Variants in GIGYF2 observed in about 807,000 individuals in gnomAD.
GIGYF2 encodes the protein GRB10 interacting GYF protein 2.
GIGYF2 carries 25 observed loss-of-function variants against 208.1 expected under a neutral mutation model. The ratio of observed to expected loss-of-function variants is 0.12; its 90% CI spans 0.09 to 0.17. The LOEUF is 0.17. Ranked by LOEUF, GIGYF2 falls within the 10% of genes least tolerant of loss-of-function variation. The pLI, the probability that GIGYF2 is intolerant of heterozygous loss-of-function variation, is 1.00. For missense variants in GIGYF2, 1,302 were observed against 1,579.4 expected (o/e 0.82, Z 2.98); for synonymous variants, 534 against 543.8 (o/e 0.98, Z 0.25).
intron 14 of GIGYF2, among the ~76,000 whole-genome samples, chr2:232,800,341 G>A (rs1700358081): frequency 6.6e-6 from 1 of 152,044 alleles, no homozygotes; most frequent in African/African-American, 2.4e-5. Flanking sequence ...TCTTTTGCAT[G>A]TGGATATCCA....
At chr2:232,815,996 A>G (rs966205579) in intron 19 of GIGYF2, 4 of 450,164 alleles carry the variant, frequency 8.9e-6, no homozygotes, top group Non-Finnish European at 1.6e-5. Context: ...TATTTTAGGT[A>G]ACATTATTCA....
intron 22 of GIGYF2, among the ~76,000 whole-genome samples, chr2:232,835,598 C>T (rs765524565): frequency 1.3e-5 from 2 of 152,154 alleles, no homozygotes; most frequent in African/African-American, 2.4e-5. Flanking sequence ...TATCTCCACC[C>T]GCCCTTCCCA....
chr2:232,823,199 G>T (rs911715759), intron 21 of GIGYF2, among the ~76,000 whole-genome samples: 1 of 151,958 alleles, frequency 6.6e-6, no homozygotes, highest in East Asian at 1.9e-4. Flanking sequence ...TCAACTTTGT[G>T]TTCCTGGATT....
chr2:232,752,960 C>A lies in GIGYF2; in HGVS notation c.268-3263C>A, dbSNP rs575754036. Among the ~76,000 whole-genome samples the A allele has an allele frequency of 3.9e-5, 6 of 152,216 alleles. No individual in the cohort carries two copies. The South Asian group carries it at 1.2e-3, about 32-fold the overall frequency. On this transcript the variant is annotated intron_variant, in intron 5 of 28. Coordinates refer to ENST00000373563, the MANE Select transcript of GIGYF2 (RefSeq NM_001103146.3). ...ACTTATTACTCTTCCTCAGAAATAACCACTATTTCCATTTTTTTTGTATTC... is the reference window on the plus strand; with the variant it reads ...ACTTATTACTCTTCCTCAGAAATAAACACTATTTCCATTTTTTTTGTATTC...
chr2:232,708,988 G>C (rs35395584), intron 2 of GIGYF2, among the ~76,000 whole-genome samples: 48,234 of 151,916 alleles, frequency 0.32, 8,030 homozygotes, highest in South Asian at 0.63. Context: ...GGATGTTGGT[G>C]GTGGGCACCT....
chr2:232,766,308 A>C lies in GIGYF2; in HGVS notation c.532+4872A>C, dbSNP rs531541223. Among the ~76,000 whole-genome samples the C allele has an allele frequency of 5.9e-5, 9 of 152,292 alleles. No individual in the cohort carries two copies. In the East Asian group the frequency reaches 1.5e-3, roughly 26 times the overall value. ...AGTTTTCAAATGCCAAATTTATTAT[A>C]AACAGTAAGTATAATATGAAACTCA... On this transcript the variant is annotated intron_variant, in intron 8 of 28. Transcript: ENST00000373563.
chr2:232,716,590 G>A lies in GIGYF2; in HGVS notation c.-44+13101G>A, dbSNP rs1696692282. ...GTAGTAATGGGGTTTCACCATGTTG[G>A]CTCAGCTGGTCTTGAACTCCTGGCC... is the stretch of plus-strand genomic sequence containing the variant. On this transcript the variant is annotated intron_variant, in intron 2 of 28. Transcript: ENST00000373563. Among the ~76,000 whole-genome samples, 7 of 151,938 alleles carry A rather than the reference G, an allele frequency of 4.6e-5. No homozygotes were observed. The South Asian group carries it at 1.0e-3, about 23-fold the overall frequency.
chr2:232,847,378 T>C lies in GIGYF2; in HGVS notation c.3491T>C (p.Val1164Ala), dbSNP rs745524820. ...ACATTTGTTTCTTTCCTGAAAGAAG[T>C]AGAATCTCCTTATGAGGTCCATGAT... ...VPTFVSFLKEVESPYEVHDYI... is the reference protein window; with the variant it reads ...VPTFVSFLKEAESPYEVHDYI... The change falls in exon 27 of 29, where the codon GTA (valine) becomes GCA (alanine). Residue 1164 changes from valine to alanine, a missense_variant. Physicochemically the swap from Val to Ala is moderately conservative, Grantham distance 64. Transcript: ENST00000373563. 1.9e-6 allele frequency: 3 copies of C among 1,610,994 alleles called. No individual in the cohort carries two copies. The African/African-American group carries it at 4.0e-5, about 22-fold the overall frequency.
chr2:232,710,176 G>C (rs970667158), intron 2 of GIGYF2, among the ~76,000 whole-genome samples: 2 of 151,806 alleles, frequency 1.3e-5, no homozygotes, highest in African/African-American at 2.4e-5. Context: ...AGCCAGGATG[G>C]TCTCGATCTC....
chr2:232,700,149 G>C (rs900346563), intron 1 of GIGYF2, among the ~76,000 whole-genome samples: 2 of 152,214 alleles, frequency 1.3e-5, no homozygotes, highest in African/African-American at 4.8e-5. Context: ...ATCATGAGAA[G>C]ATGGAAATTA....
intron 2 of GIGYF2, among the ~76,000 whole-genome samples, chr2:232,712,458 C>T (rs1405824130): frequency 6.6e-6 from 1 of 152,142 alleles, no homozygotes; most frequent in Non-Finnish European, 1.5e-5. Context: ...GCTTTTCCCC[C>T]CTCTCTCTTA....
chr2:232,791,068 G>A lies in GIGYF2; in HGVS notation c.991G>A (p.Gly331Arg), dbSNP rs761155295. The A allele has an allele frequency of 3.1e-6, 5 of 1,614,016 alleles. No individual in the cohort carries two copies. Among genetic ancestry groups the A allele is most frequent in the Middle Eastern group, 1.7e-4 (1 of 6,058 alleles). Residue 331 changes from glycine (G) to arginine (R), a missense_variant, in exon 11 of 29, where the codon GGG (glycine) becomes AGG (arginine). Coordinates refer to ENST00000373563, the MANE Select transcript of GIGYF2 (RefSeq NM_001103146.3). ...QEMDFRPVDEGEECSDSEGSH... is the reference protein window; with the variant it reads ...QEMDFRPVDEREECSDSEGSH... The stretch of plus-strand genomic sequence containing the variant: ...GATGGACTTCCGGCCTGTGGACGAA[G>A]GGGAGGAGTGCTCTGACTCTGAGGG...
At chr2:232,719,542 TCTC>T (rs934548009) in intron 2 of GIGYF2, among the ~76,000 whole-genome samples, 26 of 152,088 alleles carry the variant, frequency 1.7e-4, no homozygotes, top group Non-Finnish European at 2.9e-4. Context: ...TTTTCTTTCT[TCTC>T]CTGTGAAAAT....
chr2:232,753,618 T>C (rs1698416445), intron 5 of GIGYF2, among the ~76,000 whole-genome samples: 1 of 152,170 alleles, frequency 6.6e-6, no homozygotes, highest in Admixed American at 6.5e-5. Context: ...TAGTATGTAT[T>C]AGACACTGTT....
At chr2:232,765,540 G>A (rs1267371378) in intron 8 of GIGYF2, 1 of 153,950 alleles carries the variant, frequency 6.5e-6, no homozygotes, top group Non-Finnish European at 1.4e-5. Context: ...ATAGGAGAAT[G>A]TGAAGGTGGA....
chr2:232,824,214 A>G (rs1165696936), intron 21 of GIGYF2, among the ~76,000 whole-genome samples: 1 of 152,210 alleles, frequency 6.6e-6, no homozygotes, highest in Non-Finnish European at 1.5e-5. Context: ...GGTTCAAGTG[A>G]AAGGAAGAGT....
At chr2:232,768,896 T>C in intron 8 of GIGYF2, 1 of 1,208,092 alleles carries the variant, frequency 8.3e-7, no homozygotes, top group South Asian at 1.5e-5. Context: ...GTATATCAAA[T>C]ATTTACACAT....
chr2:232,820,012 T>A (rs1204574512), intron 21 of GIGYF2, 27 bp downstream of exon 21: 1 of 1,612,426 alleles, frequency 6.2e-7, no homozygotes. Flanking sequence ...GTCTTCTAAT[T>A]GTTCCTTTGA....
At chr2:232,846,769 C>T (rs1019748354) in intron 26 of GIGYF2, among the ~76,000 whole-genome samples, 2 of 152,182 alleles carry the variant, frequency 1.3e-5, no homozygotes, top group Admixed American at 1.3e-4. Context: ...GTGATATTAT[C>T]CCCATTTTAT....
Sources: gnomAD v4.1 joint callset for allele counts (sites outside exome capture counted in the v4.1 genomes callset) on GRCh38, gnomAD v4.1.1 for gene constraint, MANE v1.5 for transcripts, NCBI Gene and HGNC (gene_info 2026-07-23, HGNC 2026-07-21) for gene names.